The following CACNA1C variants were observed in gnomAD, a reference collection of about 807,000 sequenced individuals.
The protein encoded by CACNA1C is voltage-dependent L-type calcium channel subunit alpha-1C.
CACNA1C carries 30 observed loss-of-function variants against 229.0 expected under a neutral mutation model. The observed-to-expected ratio is 0.13, with a 90% CI of 0.10 to 0.18. CACNA1C has a LOEUF of 0.18. Among genes scored for constraint, CACNA1C ranks in the 10% least tolerant of loss-of-function variants. CACNA1C has a pLI of 1.00. For missense variants in CACNA1C, 1,658 were observed against 2,845.0 expected, an observed-to-expected ratio of 0.58 and a Z score of 9.49; for synonymous variants, 1,114 against 1,132.5, an observed-to-expected ratio of 0.98 and a Z score of 0.33.
At chr12:2,396,935 T>A (rs2098594901) in intron 3 of CACNA1C, among the ~76,000 whole-genome samples, 1 of 152,254 alleles carries the variant, frequency 6.6e-6, no homozygotes, top group Non-Finnish European at 1.5e-5. Flanking sequence ...TCTTTCTTGG[T>A]CTGGATACTT....
intron 1 of CACNA1C, among the ~76,000 whole-genome samples, chr12:2,114,314 C>T (rs2082952032): frequency 2.0e-5 from 3 of 152,108 alleles, no homozygotes; most frequent in Admixed American, 2.0e-4. Context: ...TGAAAGGCTG[C>T]CTTGTGTGGG....
At chr12:2,520,907 A>G (rs2099808407) in intron 9 of CACNA1C, among the ~76,000 whole-genome samples, 1 of 152,254 alleles carries the variant, frequency 6.6e-6, no homozygotes, top group African/African-American at 2.4e-5. Flanking sequence ...ACAGCCACAT[A>G]ACATTTTGAC....
At position 2,381,020 on chromosome 12, in the gene CACNA1C, A is replaced by T. The variant is rs1050150040; in HGVS notation, c.478-67956A>T. On this transcript the variant is annotated intron_variant, in intron 3 of 46. Transcript: ENST00000399655. ...GAAAGAAGAGAAGCAATTTCCAGGG[A>T]TGTGGCCCTTTGCAAGGTCTCCACG... Among the ~76,000 whole-genome samples the T allele has an allele frequency of 9.9e-4, 151 of 152,274 alleles. 2 individuals carry two copies. The highest frequency in any genetic ancestry group is 1.8e-3 in the Admixed American group (27 of 15,300).
intron 22 of CACNA1C, chr12:2,603,474 C>G (rs1027944258): frequency 1.3e-5 from 2 of 152,224 alleles, no homozygotes; most frequent in African/African-American, 4.8e-5. Flanking sequence ...ATGAGGCTCT[C>G]CAAAAGCTTG....
At chr12:2,369,289 C>A (rs556543207) in intron 3 of CACNA1C, among the ~76,000 whole-genome samples, 1 of 152,228 alleles carries the variant, frequency 6.6e-6, no homozygotes, top group East Asian at 1.9e-4. Context: ...TGCAGTGCAT[C>A]TGTGGCTCAT....
At chr12:1,985,938 G>A (rs2037568340) in intron 1 of CACNA1C, among the ~76,000 whole-genome samples, 1 of 152,102 alleles carries the variant, frequency 6.6e-6, no homozygotes, top group Non-Finnish European at 1.5e-5. Context: ...AGCCTCCCAA[G>A]TAGCTGGGAC....
At chr12:2,514,989 C>T (rs558092438) in intron 9 of CACNA1C, among the ~76,000 whole-genome samples, 4 of 152,328 alleles carry the variant, frequency 2.6e-5, no homozygotes, top group African/African-American at 7.2e-5. Context: ...TAGACAGTCT[C>T]GCTAAGATTT....
chr12:2,606,487 G>A, intron 24 of CACNA1C, 124 bp from the exon 25 acceptor site: 2 of 791,048 alleles, frequency 2.5e-6, no homozygotes, highest in Admixed American at 4.1e-5. Flanking sequence ...TGCCCATCTG[G>A]ATTCTGCACT....
intron 3 of CACNA1C, among the ~76,000 whole-genome samples, chr12:2,361,740 A>G (rs1459166262): frequency 6.6e-6 from 1 of 152,248 alleles, no homozygotes. Flanking sequence ...TTATTTATGC[A>G]GCTGCACCAA....
chr12:2,500,510 G>A (rs1042014681), intron 7 of CACNA1C, among the ~76,000 whole-genome samples: 1 of 152,172 alleles, frequency 6.6e-6, no homozygotes, highest in Non-Finnish European at 1.5e-5. Flanking sequence ...AGTTGCCTGG[G>A]CGCCATCGAG....
chr12:2,340,619 T>C (rs190026145), intron 3 of CACNA1C, among the ~76,000 whole-genome samples: 1 of 152,302 alleles, frequency 6.6e-6, no homozygotes, highest in East Asian at 1.9e-4. Flanking sequence ...TCCCTGGAAA[T>C]GTATTGAGAG....
At chr12:2,547,322 G>A (rs2099883203) in intron 9 of CACNA1C, 3 of 637,412 alleles carry the variant, frequency 4.7e-6, no homozygotes, top group Admixed American at 2.7e-5. Flanking sequence ...TTTATTTTCT[G>A]TGATAAAAAT....
Position 2,678,331 on chromosome 12 carries a change from C to CTT in CACNA1C, c.5091+466_5091+467dup, listed in dbSNP as rs1168610092. On this transcript the variant is annotated intron_variant, in intron 41 of 46. Coordinates refer to ENST00000399655, the MANE Select transcript of CACNA1C (RefSeq NM_000719.7). This position sits in a 1 kb window ranked among gnomAD's most constrained non-coding sequence, Gnocchi z 4.1. ...GGGCCGGAGCCTAGAGGCGGTGGCC[C>CTT]TTTGAGATGGAGCATAGCGTGTGTT... Among the ~76,000 whole-genome samples the CTT allele has an allele frequency of 6.6e-6, 1 of 152,140 alleles. No homozygotes were observed. The highest frequency in any genetic ancestry group is 1.5e-5 in the Non-Finnish European group (1 of 68,018).
intron 3 of CACNA1C, among the ~76,000 whole-genome samples, chr12:2,426,709 G>A (rs752177521): frequency 6.6e-6 from 1 of 152,230 alleles, no homozygotes; most frequent in Non-Finnish European, 1.5e-5. Context: ...ACTGATCTTG[G>A]TTTGGTGTTC....
chr12:2,502,699 A>G (rs1384520746), intron 7 of CACNA1C, among the ~76,000 whole-genome samples: 1 of 152,228 alleles, frequency 6.6e-6, no homozygotes, highest in Non-Finnish European at 1.5e-5. Flanking sequence ...CAGACTAGCT[A>G]GGTGTCTCGG....
intron 3 of CACNA1C, among the ~76,000 whole-genome samples, chr12:2,364,328 C>T (rs910086842): frequency 6.6e-6 from 1 of 152,126 alleles, no homozygotes; most frequent in Non-Finnish European, 1.5e-5. Context: ...CACTTTAAGA[C>T]CTGGCAGTGG....
At chr12:2,302,099 G>A (rs2094605506) in intron 3 of CACNA1C, among the ~76,000 whole-genome samples, 1 of 152,176 alleles carries the variant, frequency 6.6e-6, no homozygotes, top group Non-Finnish European at 1.5e-5. Context: ...TACTGCTTTT[G>A]AGGCTGGCTG....
intron 8 of CACNA1C, among the ~76,000 whole-genome samples, chr12:2,509,829 G>T (rs530613353): frequency 6.6e-6 from 1 of 152,178 alleles, no homozygotes; most frequent in Non-Finnish European, 1.5e-5. Context: ...TGGCCTCAGC[G>T]GGAACATGTA....
chr12:2,667,322 G>GCCCC (rs58423219), intron 37 of CACNA1C, among the ~76,000 whole-genome samples: 1 of 145,036 alleles, frequency 6.9e-6, no homozygotes. Context: ...TGGCCATTCC[G>GCCCC]TGCTCCTTGT....
Sources: gnomAD v4.1 joint callset for allele counts (sites outside exome capture counted in the v4.1 genomes callset) on GRCh38, gnomAD v4.1.1 for gene constraint, Gnocchi (gnomAD v3.1) non-coding constraint, MANE v1.5 for transcripts, NCBI Gene and HGNC (gene_info 2026-07-23, HGNC 2026-07-21) for gene names.